TSPAN32: variants seen among roughly 807,000 people sequenced by gnomAD.
TSPAN32 encodes tetraspanin 32.
A neutral mutation model predicts 42.7 loss-of-function variants in TSPAN32; 47 were observed. That is an observed-to-expected ratio of 1.10 (90% CI 0.87 to 1.40). The LOEUF is 1.40. Ranked by LOEUF, TSPAN32 falls within the 40% of genes most tolerant of loss-of-function variation. TSPAN32 has a pLI of 0.00. For missense variants in TSPAN32, 469 were observed against 424.1 expected (o/e 1.11, Z -0.93); for synonymous variants, 175 against 175.9 (o/e 0.99, Z 0.04).
chr11:2,317,250 C>A lies in TSPAN32; in HGVS notation c.720-94C>A. On this transcript the variant is annotated intron_variant, in intron 8 of 9. Coordinates refer to ENST00000182290, the MANE Select transcript of TSPAN32 (RefSeq NM_139022.3). The surrounding 1 kb of genome is among the most constrained non-coding windows in gnomAD (Gnocchi z 6.2). ...TAATCCCCTCCAGAACATTCTGCAA[C>A]AGCCCCATGATCCCCTCTAGAACAT... 2 of 978,182 alleles carry A rather than the reference C, an allele frequency of 2.0e-6. No individual in the cohort carries two copies. The highest frequency in any genetic ancestry group is 3.1e-6 in the Non-Finnish European group (2 of 653,074). The allele number at this position is 978,182 out of a possible 1,614,324, so 60.6% of individuals were successfully genotyped here.
At chr11:2,308,304 G>A (rs978632531) in intron 3 of TSPAN32, among the ~76,000 whole-genome samples, 5 of 152,016 alleles carry the variant, frequency 3.3e-5, no homozygotes, top group Non-Finnish European at 5.9e-5. Context: ...CCCACACCTC[G>A]ACCAAGCATC....
intron 4 of TSPAN32, 136 bp downstream of exon 4, chr11:2,308,946 C>T (rs570413596): frequency 1.8e-5 from 12 of 653,154 alleles, no homozygotes; most frequent in South Asian, 1.8e-4. Context: ...TGGGGGAGAC[C>T]GCAGCCTGGG....
At chr11:2,308,326 G>A (rs1269506329) in intron 3 of TSPAN32, among the ~76,000 whole-genome samples, 3 of 151,988 alleles carry the variant, frequency 2.0e-5, no homozygotes, top group East Asian at 1.9e-4. Context: ...TGCTGGGGGC[G>A]CAGCCTGAGG....
chr11:2,316,543 G>A (rs776799235), intron 7 of TSPAN32, 33 bp from the exon 8 acceptor site: 3 of 1,605,424 alleles, frequency 1.9e-6, no homozygotes, highest in Admixed American at 3.4e-5. Context: ...GCACCCTGGG[G>A]CAGTGGGGCA....
chr11:2,316,452 T>C, intron 7 of TSPAN32, 124 bp from the exon 8 acceptor site: 1 of 1,561,808 alleles, frequency 6.4e-7, no homozygotes, highest in Non-Finnish European at 8.6e-7. Flanking sequence ...GGAGCTGCTC[T>C]GGTGTGACAG....
intron 4 of TSPAN32, chr11:2,309,260 G>T: frequency 2.2e-6 from 1 of 447,154 alleles, no homozygotes. Flanking sequence ...GTACCAGTGG[G>T]GAAGGGACCT....
Position 2,317,313 on chromosome 11 carries a change from A to G in TSPAN32, c.720-31A>G, listed in dbSNP as rs372265827. The G allele has an allele frequency of 2.4e-4, 376 of 1,549,276 alleles. 1 individual carries two copies. The highest frequency in any genetic ancestry group is 3.2e-4 in the Non-Finnish European group (365 of 1,140,678). ...TCACAGGTCCCCTGTAGAACATTCC[A>G]CCACAGCCCCATGATCCCCTTGCTC... On this transcript the variant is annotated intron_variant, in intron 8 of 9. Coordinates refer to ENST00000182290, the MANE Select transcript of TSPAN32 (RefSeq NM_139022.3). This position sits in a 1 kb window ranked among gnomAD's most constrained non-coding sequence, Gnocchi z 6.2.
intron 4 of TSPAN32, among the ~76,000 whole-genome samples, chr11:2,310,718 G>T (rs976208167): frequency 6.6e-6 from 1 of 152,376 alleles, no homozygotes; most frequent in East Asian, 1.9e-4. Context: ...GGCTGCATGG[G>T]TGGGAATGGC....
chr11:2,312,360 C>G (rs902300692), intron 4 of TSPAN32, among the ~76,000 whole-genome samples: 1 of 152,258 alleles, frequency 6.6e-6, no homozygotes, highest in Non-Finnish European at 1.5e-5. Flanking sequence ...CTCACAGACG[C>G]TGAGGCTGAA....
In TSPAN32 at chr11:2,311,436, G is replaced by T. The variant is rs148360025; in HGVS notation, c.355-2218G>T. Among the ~76,000 whole-genome samples, 725 of 152,270 alleles carry T rather than the reference G, an allele frequency of 4.8e-3. 10 individuals are homozygous for T. The highest frequency in any genetic ancestry group is 0.024 in the Middle Eastern group (7 of 294). On this transcript the variant is annotated intron_variant, in intron 4 of 9. Coordinates refer to ENST00000182290, the MANE Select transcript of TSPAN32 (RefSeq NM_139022.3). ...CTTAACCCTCCCCCTGTGCCCTGAC[G>T]AGTCTGCTTCGGGAATAATTCATGC...
At position 2,317,728 on chromosome 11, in the gene TSPAN32, G is replaced by C; in HGVS notation, c.902-135G>C. The C allele has an allele frequency of 2.6e-6, 4 of 1,513,802 alleles. No homozygotes were observed. The highest frequency in any genetic ancestry group is 3.5e-6 in the Non-Finnish European group (4 of 1,139,944). 93.8% of individuals were successfully genotyped at this position (1,513,802 alleles called of 1,614,324 possible). A position where few individuals can be genotyped will look rare whatever the true frequency, so the allele number is the denominator to read the frequency against. ...AAACCACACTGGAGGCAGCAGCCCA[G>C]GGCAGACTGCAAGACACTGGTGGCC... On this transcript the variant is annotated intron_variant, in intron 9 of 9. Coordinates refer to ENST00000182290, the MANE Select transcript of TSPAN32 (RefSeq NM_139022.3). This position sits in a 1 kb window ranked among gnomAD's most constrained non-coding sequence, Gnocchi z 6.2.
chr11:2,302,270 G>A (rs1444152451), intron 1 of TSPAN32, 55 bp downstream of exon 1: 12 of 1,344,304 alleles, frequency 8.9e-6, no homozygotes, highest in Non-Finnish European at 1.2e-5. Flanking sequence ...CAGGGGTGAG[G>A]GGTGGCAGGG....
chr11:2,302,734 T>C, intron 1 of TSPAN32, 110 bp from the exon 2 acceptor site: 1 of 846,316 alleles, frequency 1.2e-6, no homozygotes, highest in Non-Finnish European at 1.9e-6. Context: ...TGAGCCTGTC[T>C]CTCACGGGAC....
rs900671140 is a variant in TSPAN32 at position 2,302,023 on chromosome 11, TGACA to T, written c.-116_-113del. On this transcript the variant is annotated 5_prime_UTR_variant, in exon 1 of 10. An upstream open reading frame in the 5' UTR loses its in-frame stop. Coordinates refer to ENST00000182290, the MANE Select transcript of TSPAN32 (RefSeq NM_139022.3). ...CAGCAGCTCGGTCCTAGGGCGATGT[TGACA>T]GACAGACAGAGGGGCGGATGCAGCC... is the stretch of plus-strand genomic sequence containing the variant. The T allele has an allele frequency of 1.0e-5, 15 of 1,492,818 alleles. No homozygotes were observed. The highest frequency in any genetic ancestry group is 1.9e-4 in the Middle Eastern group (1 of 5,308). 92.5% of individuals were successfully genotyped at this position (1,492,818 alleles called of 1,614,324 possible).
chr11:2,312,481 G>A (rs1037074110), intron 4 of TSPAN32, among the ~76,000 whole-genome samples: 4 of 152,242 alleles, frequency 2.6e-5, no homozygotes, highest in African/African-American at 9.6e-5. Context: ...ACGGAGAGTG[G>A]TCTGACTTTT....
intron 6 of TSPAN32, chr11:2,315,556 C>T: frequency 8.6e-7 from 1 of 1,169,024 alleles, no homozygotes; most frequent in Non-Finnish European, 1.1e-6. Context: ...GCACAGGCGG[C>T]AGGCACGGAG....
intron 8 of TSPAN32, among the ~76,000 whole-genome samples, chr11:2,316,887 C>G (rs570738961): frequency 6.6e-6 from 1 of 152,216 alleles, no homozygotes; most frequent in East Asian, 1.9e-4. Flanking sequence ...CATGGGGACC[C>G]CCCTTTGCTT....
chr11:2,303,132 C>G, intron 2 of TSPAN32, 174 bp downstream of exon 2: 2 of 602,102 alleles, frequency 3.3e-6, no homozygotes, highest in Non-Finnish European at 5.8e-6. Context: ...TGGGCAGGGC[C>G]TCGGGTCTGG....
chr11:2,311,479 G>A (rs1589810138), intron 4 of TSPAN32, among the ~76,000 whole-genome samples: 2 of 152,306 alleles, frequency 1.3e-5, no homozygotes, highest in East Asian at 3.9e-4. Context: ...AAGTACAGCA[G>A]TGTGGGGTGC....
Sources: allele counts gnomAD v4.1 joint callset (sites outside exome capture counted in the v4.1 genomes callset), GRCh38; gene constraint gnomAD v4.1.1; non-coding constraint Gnocchi (gnomAD v3.1); transcripts MANE v1.5; gene names NCBI Gene and HGNC (gene_info 2026-07-23, HGNC 2026-07-21).